The following FBXL20 variants were observed in gnomAD, a reference collection of about 807,000 sequenced individuals.
FBXL20 encodes F-box and leucine rich repeat protein 20.
In FBXL20, 11 loss-of-function variants were observed where a neutral mutation model predicts 64.0. The observed-to-expected ratio is 0.17, with a 90% CI of 0.11 to 0.28. FBXL20 has a LOEUF of 0.28. Ranked by LOEUF, FBXL20 falls within the 10% of genes least tolerant of loss-of-function variation. The pLI, the probability that FBXL20 is intolerant of heterozygous loss-of-function variation, is 1.00. For missense variants in FBXL20, 303 were observed against 526.2 expected (o/e 0.58, Z 4.15); for synonymous variants, 184 against 189.0 (o/e 0.97, Z 0.22).
At chr17:39,400,932 GAA>G (rs1464694818) in intron 1 of FBXL20, among the ~76,000 whole-genome samples, 3 of 152,228 alleles carry the variant, frequency 2.0e-5, no homozygotes, top group African/African-American at 4.8e-5. Flanking sequence ...CAAACTCGGA[GAA>G]ATGGTACCCA....
chr17:39,299,675 G>T (rs2047117430), intron 4 of FBXL20, among the ~76,000 whole-genome samples: 1 of 152,174 alleles, frequency 6.6e-6, no homozygotes, highest in African/African-American at 2.4e-5. Context: ...CAGCTACTCG[G>T]GAGGCTGAGG....
intron 3 of FBXL20, among the ~76,000 whole-genome samples, chr17:39,301,805 G>A (rs1360895689): frequency 6.6e-6 from 1 of 151,988 alleles, no homozygotes; most frequent in Non-Finnish European, 1.5e-5. Flanking sequence ...GCTGAGGTGG[G>A]AGGTGAGCCA....
chr17:39,399,413 A>G (rs892250090), intron 1 of FBXL20, among the ~76,000 whole-genome samples: 1 of 152,244 alleles, frequency 6.6e-6, no homozygotes, highest in Non-Finnish European at 1.5e-5. Flanking sequence ...GAAGCCAATT[A>G]CTAATTGTCT....
chr17:39,401,291 G>T, intron 1 of FBXL20, 70 bp downstream of exon 1: 2 of 1,609,402 alleles, frequency 1.2e-6, no homozygotes. Flanking sequence ...GCTCCGTGCG[G>T]AGCGGACGTT....
intron 1 of FBXL20, among the ~76,000 whole-genome samples, chr17:39,378,188 T>C (rs2047987090): frequency 6.6e-6 from 1 of 152,238 alleles, no homozygotes. Context: ...CATTATAATA[T>C]GCAAAATGTT....
At chr17:39,325,950 G>C (rs2047404739) in intron 2 of FBXL20, among the ~76,000 whole-genome samples, 1 of 152,168 alleles carries the variant, frequency 6.6e-6, no homozygotes, top group Admixed American at 6.6e-5. Flanking sequence ...GACCTAGTGA[G>C]AGGTATTAGA....
chr17:39,398,885 G>T (rs1013293192), intron 1 of FBXL20, among the ~76,000 whole-genome samples: 49 of 152,132 alleles, frequency 3.2e-4, no homozygotes, highest in African/African-American at 1.1e-3. Context: ...AGGTTGGTCA[G>T]GCTGGTCTTG....
intron 2 of FBXL20, among the ~76,000 whole-genome samples, chr17:39,327,346 T>C (rs9944411): frequency 0.32 from 48,250 of 151,928 alleles, 8,551 homozygotes; most frequent in African/African-American, 0.48. Context: ...TTCTTCACAG[T>C]GATATGGGTA....
upstream of FBXL20, chr17:39,401,908 GA>G: frequency 4.8e-6 from 2 of 414,054 alleles, no homozygotes; most frequent in Non-Finnish European, 8.0e-6. Context: ...TGTGCGTGTG[GA>G]AAAGGGGGTC....
chr17:39,363,303 C>T (rs1284661780), intron 1 of FBXL20, among the ~76,000 whole-genome samples: 6 of 151,778 alleles, frequency 4.0e-5, no homozygotes, highest in African/African-American at 9.7e-5. Context: ...TGTGAGCCAC[C>T]GCGCTTGGCC....
chr17:39,342,617 T>C (rs2047593636), intron 2 of FBXL20, among the ~76,000 whole-genome samples: 3 of 152,134 alleles, frequency 2.0e-5, no homozygotes, highest in Admixed American at 6.5e-5. Context: ...CTCGGGAGGC[T>C]GAGGCAGGAG....
intron 2 of FBXL20, among the ~76,000 whole-genome samples, chr17:39,337,748 G>A (rs2047540138): frequency 1.3e-5 from 2 of 151,856 alleles, no homozygotes; most frequent in Non-Finnish European, 2.9e-5. Flanking sequence ...GTCTCCGACG[G>A]GCAGCCACCC....
intron 1 of FBXL20, among the ~76,000 whole-genome samples, chr17:39,381,159 T>A (rs2048019472): frequency 7.0e-6 from 1 of 142,340 alleles, no homozygotes; most frequent in African/African-American, 2.7e-5. Flanking sequence ...AAACTCCGTC[T>A]CAAAAAAAAA....
chr17:39,380,512 G>A (rs930039098), intron 1 of FBXL20, among the ~76,000 whole-genome samples: 9 of 152,074 alleles, frequency 5.9e-5, no homozygotes, highest in African/African-American at 2.2e-4. Flanking sequence ...CACACACCTT[G>A]CTTTATTTCA....
intron 2 of FBXL20, among the ~76,000 whole-genome samples, chr17:39,334,078 T>G (rs2047494962): frequency 2.6e-5 from 4 of 152,184 alleles, no homozygotes; most frequent in African/African-American, 9.7e-5. Flanking sequence ...TTGCTGTGTC[T>G]GTGTAGAAAG....
At chr17:39,280,618 T>C (rs557735590) in intron 9 of FBXL20, among the ~76,000 whole-genome samples, 1 of 152,048 alleles carries the variant, frequency 6.6e-6, no homozygotes, top group African/African-American at 2.4e-5. Flanking sequence ...ACTGTTAACA[T>C]TCTAGGTGCC....
chr17:39,388,437 G>A (rs1337559824), intron 1 of FBXL20, among the ~76,000 whole-genome samples: 1 of 151,258 alleles, frequency 6.6e-6, no homozygotes, highest in Non-Finnish European at 1.5e-5. Flanking sequence ...TCCAGCCTGG[G>A]CAACAGAACA....
Position 39,256,876 on chromosome 17 carries a change from C to T in FBXL20, c.*4584G>A, listed in dbSNP as rs1396519652. Reference sequence around the variant, plus strand: ...AGCCACTCTCTTCTTTCCAGTGACACTCTCACACTTTCTAACAACTTCAAA... The same window carrying T: ...AGCCACTCTCTTCTTTCCAGTGACATTCTCACACTTTCTAACAACTTCAAA... On this transcript the variant is annotated 3_prime_UTR_variant, in exon 15 of 15. Coordinates refer to ENST00000264658, the MANE Select transcript of FBXL20 (RefSeq NM_032875.3). The T allele has an allele frequency of 6.6e-6, 1 of 152,344 alleles. No homozygotes were observed. The highest frequency in any genetic ancestry group is 1.9e-4 in the East Asian group (1 of 5,194). The allele number at this position is 152,344 out of a possible 1,614,324, so 9.4% of individuals were successfully genotyped here.
intron 1 of FBXL20, among the ~76,000 whole-genome samples, chr17:39,384,998 G>A (rs2048064069): frequency 6.6e-6 from 1 of 152,090 alleles, no homozygotes; most frequent in Admixed American, 6.6e-5. Context: ...TTTATAAAAG[G>A]ATACATAATA....
Sources: gnomAD v4.1 joint callset for allele counts (sites outside exome capture counted in the v4.1 genomes callset) on GRCh38, gnomAD v4.1.1 for gene constraint, MANE v1.5 for transcripts, NCBI Gene and HGNC (gene_info 2026-07-23, HGNC 2026-07-21) for gene names.